UBA6: variants seen among roughly 807,000 people sequenced by gnomAD.
UBA6 encodes ubiquitin like modifier activating enzyme 6, also known as ubiquitin-like modifier-activating enzyme 6.
In UBA6, 87 loss-of-function variants were observed where a neutral mutation model predicts 148.3. The observed-to-expected ratio is 0.59, with a 90% confidence interval of 0.49 to 0.70. UBA6 has a LOEUF of 0.70. Ranked by LOEUF, UBA6 falls within the 30% of genes least tolerant of loss-of-function variation. The pLI is 0.00. For synonymous variants in UBA6, 376 were observed against 401.0 expected (o/e 0.94, Z 0.75); for missense variants, 1,186 against 1,241.2 (o/e 0.96, Z 0.67).
rs1431013428 is a variant in UBA6, at chr4:67,663,134, A to G, written c.1037+5T>C. On this transcript the variant is annotated splice_donor_5th_base_variant and intron_variant, in intron 12 of 32. Transcript: ENST00000322244. ...AAATACTTATTTTTAAACTTAAAAC[A>G]TTACCCAACATTTGGCTTGCGACTG... is the stretch of plus-strand genomic sequence containing the variant. The G allele has an allele frequency of 6.3e-7, 1 of 1,598,182 alleles. No homozygotes were observed.
chr4:67,686,105 T>C (rs1730552014), intron 2 of UBA6, among the ~76,000 whole-genome samples: 1 of 152,222 alleles, frequency 6.6e-6, no homozygotes, highest in Non-Finnish European at 1.5e-5. Flanking sequence ...TAAGTGACCA[T>C]ATAGCAGTGA....
At chr4:67,632,880 A>G (rs531849307) in intron 23 of UBA6, among the ~76,000 whole-genome samples, 1 of 152,182 alleles carries the variant, frequency 6.6e-6, no homozygotes, top group South Asian at 2.1e-4. Context: ...TCCTAAAGAG[A>G]GGGAAAGACT....
intron 19 of UBA6, 105 bp from the exon 20 acceptor site, chr4:67,635,663 C>A (rs1729121506): frequency 2.9e-6 from 2 of 681,618 alleles, no homozygotes; most frequent in Non-Finnish European, 5.2e-6. Context: ...CTGATCACTT[C>A]TTGAATGCAG....
chr4:67,694,173 G>T lies in UBA6; in HGVS notation c.134+2472C>A, dbSNP rs566982916. On this transcript the variant is annotated intron_variant, in intron 2 of 32. Transcript: ENST00000322244. ...GGAGGTTGCCATGAGCCGAGATCGCGCCACTGCACTCCAGCCTGGATGACA... is the reference window on the plus strand; with the variant it reads ...GGAGGTTGCCATGAGCCGAGATCGCTCCACTGCACTCCAGCCTGGATGACA... Among the ~76,000 whole-genome samples, 16 of 118,656 alleles carry T rather than the reference G, an allele frequency of 1.3e-4. No homozygotes were observed. The South Asian group carries it at 2.9e-3, about 21-fold the overall frequency. The allele number at this position is 118,656 out of a possible 152,430, so 77.8% of individuals were successfully genotyped here.
At chr4:67,652,577 G>A (rs1009528322) in intron 13 of UBA6, among the ~76,000 whole-genome samples, 5 of 152,170 alleles carry the variant, frequency 3.3e-5, no homozygotes, top group Non-Finnish European at 7.3e-5. Context: ...GGCCGAATAG[G>A]AACAGCTCGT....
chr4:67,625,242 T>C (rs1728839688), intron 28 of UBA6, 55 bp from the exon 29 acceptor site: 6 of 1,375,636 alleles, frequency 4.4e-6, no homozygotes, highest in South Asian at 1.4e-5. Context: ...AAGATTTTAC[T>C]AGGTAAAAAG....
intron 4 of UBA6, 124 bp downstream of exon 4, chr4:67,681,439 A>ATT (rs200361645): frequency 3.9e-5 from 23 of 595,572 alleles, no homozygotes; most frequent in Non-Finnish European, 5.1e-5. Flanking sequence ...AATTTCCATG[A>ATT]TTTTTTTTAA....
chr4:67,636,472 A>T (rs530773311), intron 19 of UBA6, among the ~76,000 whole-genome samples: 1 of 152,250 alleles, frequency 6.6e-6, no homozygotes, highest in East Asian at 1.9e-4. Context: ...CTGCCATCTC[A>T]GCTCACTGCA....
chr4:67,694,259 C>T (rs1324530533), intron 2 of UBA6, among the ~76,000 whole-genome samples: 3 of 115,188 alleles, frequency 2.6e-5, no homozygotes, highest in Non-Finnish European at 5.6e-5. Context: ...AAATACAAAA[C>T]TACCAAATCT....
intron 13 of UBA6, among the ~76,000 whole-genome samples, chr4:67,657,826 C>CAAAAAAAAAAAAAAAA (rs57984969): frequency 1.7e-5 from 2 of 115,158 alleles, no homozygotes; most frequent in African/African-American, 3.4e-5. Flanking sequence ...AACAAATTTA[C>CAAAAAAAAAAAAAAAA]AAAAAAAAAA....
Position 67,682,191 on chromosome 4 carries a change from C to T in UBA6, c.157G>A (p.Asp53Asn). The T allele has an allele frequency of 6.2e-7, 1 of 1,613,714 alleles. No homozygotes were observed. The highest frequency in any genetic ancestry group is 8.5e-7 in the Non-Finnish European group (1 of 1,179,806). The change falls in exon 3 of 33, where the codon GAC (aspartate) becomes AAC (asparagine). Residue 53 changes from aspartate (D) to asparagine (N), a missense_variant. Transcript: ENST00000322244. ...LYSRQRYVLG[D>N]TAMQKMAKSH... ...TTGGCCATCTTCTGCATTGCTGTGT[C>T]TCCAAGAACGTACCTCTGTCGACTA... is the stretch of plus-strand genomic sequence containing the variant.
chr4:67,682,035 A>G (rs1730452910), intron 3 of UBA6, 84 bp downstream of exon 3: 4 of 997,048 alleles, frequency 4.0e-6, no homozygotes, highest in Non-Finnish European at 6.2e-6. Flanking sequence ...CCTTTATAGG[A>G]AATATAAGGG....
chr4:67,622,292 C>G (rs572403928), intron 32 of UBA6, among the ~76,000 whole-genome samples: 1 of 152,322 alleles, frequency 6.6e-6, no homozygotes, highest in South Asian at 2.1e-4. Flanking sequence ...CTAGACTACT[C>G]AGTATAATAT....
In UBA6 at chr4:67,628,283, ATTCT is replaced by A. The variant is rs371590862; in HGVS notation, c.2400+784_2400+787del. 5.3e-3 allele frequency among the ~76,000 whole-genome samples: 801 copies of A among 151,836 alleles called. 8 individuals carry two copies. The highest frequency in any genetic ancestry group is 0.018 in the African/African-American group (740 of 41,466). ...AGCTTCTTATTTCAACTAAGAAAAT[ATTCT>A]TTCTTTATCATAGCCCCAACTATCT... On this transcript the variant is annotated intron_variant, in intron 27 of 32. Transcript: ENST00000322244.
intron 13 of UBA6, among the ~76,000 whole-genome samples, chr4:67,655,704 G>A (rs1167256519): frequency 6.6e-6 from 1 of 152,034 alleles, no homozygotes; most frequent in African/African-American, 2.4e-5. Flanking sequence ...GAGAACTGAA[G>A]GAGATAGAGA....
intron 2 of UBA6, 56 bp downstream of exon 2, chr4:67,696,585 CTTGA>C (rs1730845549): frequency 7.3e-7 from 1 of 1,361,836 alleles, no homozygotes; most frequent in Non-Finnish European, 1.0e-6. Context: ...AAAGAGACTA[CTTGA>C]TTATTTGAGA....
At chr4:67,645,897 A>T in intron 16 of UBA6, 41 bp downstream of exon 16, 1 of 1,234,538 alleles carries the variant, frequency 8.1e-7, no homozygotes. Context: ...GATATACGAT[A>T]GCAGTTTGAA....
At chr4:67,619,549 G>A (rs1376873662) in intron 32 of UBA6, among the ~76,000 whole-genome samples, 1 of 152,174 alleles carries the variant, frequency 6.6e-6, no homozygotes, top group East Asian at 1.9e-4. Flanking sequence ...AGTGGCACAT[G>A]CCCGTAATCC....
chr4:67,651,009 G>C (rs890367385), intron 13 of UBA6, among the ~76,000 whole-genome samples: 1 of 152,096 alleles, frequency 6.6e-6, no homozygotes, highest in Admixed American at 6.5e-5. Flanking sequence ...CCTAAGAGAA[G>C]AGAATACTAC....
Sources: allele counts gnomAD v4.1 joint callset (sites outside exome capture counted in the v4.1 genomes callset), GRCh38; gene constraint gnomAD v4.1.1; transcripts MANE v1.5; gene names NCBI Gene and HGNC (gene_info 2026-07-23, HGNC 2026-07-21).